The following COL12A1 variants were observed in gnomAD, a reference collection of about 807,000 sequenced individuals.
The protein encoded by COL12A1 is collagen type XII alpha 1 chain, also known as collagen alpha-1(XII) chain.
Under a neutral mutation model 349.7 loss-of-function variants are expected in COL12A1, and 114 were observed. That is an observed-to-expected ratio of 0.33 (90% CI 0.28 to 0.38). COL12A1 has a LOEUF of 0.38. Among genes scored for constraint, COL12A1 ranks in the 10% least tolerant of loss-of-function variants. The probability of loss-of-function intolerance (pLI) is 1.00; values close to 1 mark genes in which losing one functional copy is unlikely to be tolerated. For missense variants in COL12A1, 3,284 were observed against 3,756.9 expected, an observed-to-expected ratio of 0.87 and a Z score of 3.29; for synonymous variants, 1,369 against 1,329.0, an observed-to-expected ratio of 1.03 and a Z score of -0.66.
chr6:75,162,382 C>T (rs1026559929), intron 14 of COL12A1, among the ~76,000 whole-genome samples: 4 of 152,150 alleles, frequency 2.6e-5, no homozygotes, highest in African/African-American at 9.6e-5. Context: ...TGATCTTTGA[C>T]AAATCTGACA....
chr6:75,129,427 T>G (rs1191826058), intron 37 of COL12A1, among the ~76,000 whole-genome samples: 1 of 152,166 alleles, frequency 6.6e-6, no homozygotes, highest in African/African-American at 2.4e-5. Flanking sequence ...ATTCTGCAAA[T>G]GTATCACAGC....
chr6:75,150,406 A>T (rs1767422224), intron 21 of COL12A1, among the ~76,000 whole-genome samples: 1 of 152,124 alleles, frequency 6.6e-6, no homozygotes, highest in African/African-American at 2.4e-5. Context: ...ACATCTTTAA[A>T]CATTTGACCC....
chr6:75,117,454 C>G lies in COL12A1; in HGVS notation c.7447G>C (p.Val2483Leu). 1 of 1,613,756 alleles carries G rather than the reference C, an allele frequency of 6.2e-7. No homozygotes were observed. Among genetic ancestry groups the G allele is most frequent in the Non-Finnish European group, 8.5e-7 (1 of 1,179,738 alleles). Residue 2483 changes from valine (V) to leucine (L), a missense_variant, in exon 47 of 66, where the codon GTG (valine) becomes CTG (leucine). By Grantham distance (32) the Val-to-Leu change is conservative. Transcript: ENST00000322507. ...TTCTCAAAAGATTCAAAGTCGTCCA[C>G]AATGAACACGTGCCGTTCACTTGGT... ...SKPSERHVFI[V>L]DDFESFEKIE... is the part of the protein sequence containing the mutation.
At chr6:75,145,740 T>C (rs1471822441) in intron 24 of COL12A1, among the ~76,000 whole-genome samples, 3 of 151,680 alleles carry the variant, frequency 2.0e-5, no homozygotes, top group Non-Finnish European at 4.4e-5. Flanking sequence ...CAAGCAATTC[T>C]CCTGTCTCAG....
chr6:75,203,024 G>C (rs1006282623), intron 1 of COL12A1, among the ~76,000 whole-genome samples, 197 bp from the exon 2 acceptor site: 1 of 152,214 alleles, frequency 6.6e-6, no homozygotes, highest in Non-Finnish European at 1.5e-5. Context: ...ATGGCCCTAG[G>C]AGGAAGTTCA....
chr6:75,116,206 T>C (rs1450027324), intron 47 of COL12A1, 149 bp from the exon 48 acceptor site: 1 of 769,952 alleles, frequency 1.3e-6, no homozygotes, highest in Non-Finnish European at 2.1e-6. Context: ...TTATACATTA[T>C]TTCTTGTACA....
At chr6:75,204,219 A>C (rs1770664566) in intron 1 of COL12A1, among the ~76,000 whole-genome samples, 1 of 152,216 alleles carries the variant, frequency 6.6e-6, no homozygotes, top group Admixed American at 6.5e-5. Context: ...GAAAAGCAAG[A>C]GGTGAGACTG....
chr6:75,177,360 C>T (rs1468654521), intron 12 of COL12A1, among the ~76,000 whole-genome samples: 1 of 151,976 alleles, frequency 6.6e-6, no homozygotes. Flanking sequence ...TCACTTGAAC[C>T]CAGGAGGCAG....
intron 2 of COL12A1, among the ~76,000 whole-genome samples, chr6:75,196,381 G>A (rs1392601625): frequency 6.6e-6 from 1 of 151,996 alleles, no homozygotes; most frequent in Non-Finnish European, 1.5e-5. Flanking sequence ...ATTTAACTGG[G>A]GTTAAAGATT....
chr6:75,097,296 C>G lies in COL12A1; in HGVS notation c.8534G>C (p.Gly2845Ala). 1 of 1,613,176 alleles carries G rather than the reference C, an allele frequency of 6.2e-7. No homozygotes were observed. The highest frequency in any genetic ancestry group is 8.5e-7 in the Non-Finnish European group (1 of 1,179,436). The change falls in exon 59 of 66, where the codon GGA (glycine) becomes GCA (alanine). Residue 2845 changes from glycine to alanine, a missense_variant. Coordinates refer to ENST00000322507, the MANE Select transcript of COL12A1 (RefSeq NM_004370.6). ...MGPPGDRGFT[G>A]KDGAMGPRGP... ...CCTGGGTCCCATTGCACCGTCTTTT[C>G]CAGTGAAGCCCTATTGTAAAAATGA...
intron 21 of COL12A1, among the ~76,000 whole-genome samples, chr6:75,149,487 C>A (rs1767371864): frequency 6.6e-6 from 1 of 152,024 alleles, no homozygotes; most frequent in Non-Finnish European, 1.5e-5. Flanking sequence ...AACCTACCGC[C>A]TGTGATTGTG....
intron 51 of COL12A1, 76 bp from the exon 52 acceptor site, chr6:75,109,243 AT>A: frequency 1.9e-6 from 2 of 1,067,090 alleles, no homozygotes; most frequent in Non-Finnish European, 2.6e-6. Flanking sequence ...TTTAGATCAG[AT>A]TTTTTTGAAG....
At chr6:75,195,522 A>T (rs1770176051) in intron 2 of COL12A1, among the ~76,000 whole-genome samples, 1 of 152,162 alleles carries the variant, frequency 6.6e-6, no homozygotes, top group South Asian at 2.1e-4. Flanking sequence ...TGAAAAATAT[A>T]TTTTAATGAA....
At chr6:75,176,703 G>A (rs1051045404) in intron 12 of COL12A1, among the ~76,000 whole-genome samples, 1 of 152,156 alleles carries the variant, frequency 6.6e-6, no homozygotes, top group African/African-American at 2.4e-5. Flanking sequence ...CTGAGATGAT[G>A]ATAATAATAA....
chr6:75,098,440 G>T (rs969095795), intron 58 of COL12A1, among the ~76,000 whole-genome samples: 36 of 152,274 alleles, frequency 2.4e-4, no homozygotes, highest in Middle Eastern at 3.4e-3. Flanking sequence ...GATTGCTTAA[G>T]CCCAGGAGTT....
At chr6:75,190,225 G>T (rs913816568) in intron 5 of COL12A1, among the ~76,000 whole-genome samples, 15 of 151,778 alleles carry the variant, frequency 9.9e-5, no homozygotes, top group Admixed American at 9.9e-4. Context: ...TATAAGCAAA[G>T]GGTTTTTATT....
chr6:75,103,792 C>A lies in COL12A1; in HGVS notation c.8284G>T (p.Gly2762Cys). Residue 2762 changes from glycine (G) to cysteine (C), a missense_variant, in exon 55 of 66, where the codon GGT becomes TGT. This residue lies in a region of COL12A1 where 683 missense variants were observed against 932.1 expected (regional missense o/e 0.73). Transcript: ENST00000322507. ...PGPAGGPGAK[G>C]PRGERGISGA... is the part of the protein sequence containing the mutation. Reference sequence around the variant, plus strand: ...CTGATACCTCTTTCACCTCTGGGACCTTTAGCACCAGGTCCTCCCTAAAAT... The same window carrying A: ...CTGATACCTCTTTCACCTCTGGGACATTTAGCACCAGGTCCTCCCTAAAAT... The A allele has an allele frequency of 6.2e-7, 1 of 1,613,356 alleles. No individual in the cohort carries two copies. Among genetic ancestry groups the A allele is most frequent in the Non-Finnish European group, 8.5e-7 (1 of 1,179,430 alleles).
intron 50 of COL12A1, 133 bp from the exon 51 acceptor site, chr6:75,113,446 G>T: frequency 2.3e-6 from 2 of 887,958 alleles, no homozygotes. Context: ...ATGCAATTAG[G>T]ATATTTACTG....
At chr6:75,149,149 C>T (rs1196305224) in intron 21 of COL12A1, among the ~76,000 whole-genome samples, 2 of 152,050 alleles carry the variant, frequency 1.3e-5, no homozygotes, top group Non-Finnish European at 2.9e-5. Flanking sequence ...AGCATGAGAA[C>T]AGACTAAGAC....
Sources: gnomAD v4.1 joint callset for allele counts (sites outside exome capture counted in the v4.1 genomes callset) on GRCh38, gnomAD v4.1.1 for gene constraint, gnomAD v4.1.1 regional missense constraint, MANE v1.5 for transcripts, NCBI Gene and HGNC (gene_info 2026-07-23, HGNC 2026-07-21) for gene names.